CNTNAP5: variants seen among roughly 807,000 people sequenced by gnomAD.
CNTNAP5 encodes contactin-associated protein-like 5.
Under a neutral mutation model 150.2 loss-of-function variants are expected in CNTNAP5, and 72 were observed. The ratio of observed to expected loss-of-function variants is 0.48; its 90% CI spans 0.40 to 0.58. CNTNAP5 has a LOEUF of 0.58. Among genes scored for constraint, CNTNAP5 ranks in the 20% least tolerant of loss-of-function variants. The pLI is 0.00. For synonymous variants in CNTNAP5, 672 were observed against 619.8 expected (o/e 1.08, Z -1.25); for missense variants, 1,636 against 1,626.2 (o/e 1.01, Z -0.10).
chr2:124,265,147 C>T (rs1293976552), intron 3 of CNTNAP5, among the ~76,000 whole-genome samples: 8 of 152,144 alleles, frequency 5.3e-5, no homozygotes, highest in Non-Finnish European at 1.2e-4. Context: ...AAAATAATGT[C>T]CAGCCTCTCT....
chr2:124,644,343 C>A (rs181391916), intron 12 of CNTNAP5, among the ~76,000 whole-genome samples: 2 of 152,254 alleles, frequency 1.3e-5, no homozygotes, highest in South Asian at 2.1e-4. Context: ...GCTAAATCTA[C>A]ACAACCACCA....
At chr2:124,519,535 G>T in intron 8 of CNTNAP5, among the ~76,000 whole-genome samples, 1 of 152,190 alleles carries the variant, frequency 6.6e-6, no homozygotes, top group Admixed American at 6.5e-5. Flanking sequence ...CCCTTTGAAC[G>T]CTGGCTCTGC....
At chr2:124,063,832 G>A (rs1682079096) in intron 1 of CNTNAP5, among the ~76,000 whole-genome samples, 1 of 152,136 alleles carries the variant, frequency 6.6e-6, no homozygotes, top group Admixed American at 6.6e-5. Context: ...TTCCACATTA[G>A]ATGATTACTT....
chr2:124,914,633 G>T lies in CNTNAP5; in HGVS notation c.*345G>T. ...CACTGTTCAGTTTTCCAACCACTTG[G>T]TGGTTCAGGCTTGCTTTGAACCTGA... On this transcript the variant is annotated 3_prime_UTR_variant, in exon 24 of 24. Coordinates refer to ENST00000682447, the MANE Select transcript of CNTNAP5 (RefSeq NM_001367498.1). 5.6e-6 allele frequency: 1 copy of T among 178,856 alleles called. No individual in the cohort carries two copies. The highest frequency in any genetic ancestry group is 1.2e-5 in the Non-Finnish European group (1 of 84,934). The allele number at this position is 178,856 out of a possible 1,614,324, so 11.1% of individuals were successfully genotyped here. A position where few individuals can be genotyped will look rare whatever the true frequency, so the allele number is the denominator to read the frequency against.
chr2:124,388,053 G>A (rs1690976711), intron 3 of CNTNAP5, among the ~76,000 whole-genome samples: 1 of 152,186 alleles, frequency 6.6e-6, no homozygotes, highest in African/African-American at 2.4e-5. Context: ...GTGGCCTTAG[G>A]AAGAGATTAC....
At chr2:124,673,817 A>T (rs546891687) in intron 13 of CNTNAP5, among the ~76,000 whole-genome samples, 1 of 152,088 alleles carries the variant, frequency 6.6e-6, no homozygotes, top group African/African-American at 2.4e-5. Flanking sequence ...AATGCCCTCA[A>T]ATATTTTCAC....
At chr2:124,485,489 T>C (rs926748108) in intron 7 of CNTNAP5, among the ~76,000 whole-genome samples, 1 of 151,570 alleles carries the variant, frequency 6.6e-6, no homozygotes, top group Non-Finnish European at 1.5e-5. Context: ...GGCGGGCACC[T>C]GTAGTCCCAG....
intron 12 of CNTNAP5, among the ~76,000 whole-genome samples, chr2:124,635,634 A>T (rs1677955860): frequency 6.6e-6 from 1 of 152,200 alleles, no homozygotes; most frequent in Non-Finnish European, 1.5e-5. Context: ...AATGGGTGTC[A>T]AAGGTGTCTC....
intron 19 of CNTNAP5, among the ~76,000 whole-genome samples, chr2:124,842,688 C>A (rs1682968751): frequency 6.6e-6 from 1 of 152,126 alleles, no homozygotes; most frequent in Non-Finnish European, 1.5e-5. Flanking sequence ...TAGAATAGAG[C>A]TGAATCAAGT....
intron 1 of CNTNAP5, among the ~76,000 whole-genome samples, chr2:124,164,200 C>T (rs925538168): frequency 2.0e-5 from 3 of 152,136 alleles, no homozygotes; most frequent in Admixed American, 6.6e-5. Flanking sequence ...GCCATGAACA[C>T]GCAATACTCC....
intron 6 of CNTNAP5, among the ~76,000 whole-genome samples, chr2:124,449,582 A>T (rs1299851271): frequency 6.6e-6 from 1 of 152,182 alleles, no homozygotes; most frequent in Non-Finnish European, 1.5e-5. Context: ...TTACAGTGAA[A>T]GTCAGCATTT....
At chr2:124,910,333 A>T (rs1307412382) in intron 22 of CNTNAP5, among the ~76,000 whole-genome samples, 3 of 152,078 alleles carry the variant, frequency 2.0e-5, no homozygotes, top group Admixed American at 1.3e-4. Context: ...AGTAAGCAAA[A>T]TTATAAGAAG....
At chr2:124,149,168 A>G (rs1684338886) in intron 1 of CNTNAP5, among the ~76,000 whole-genome samples, 1 of 152,076 alleles carries the variant, frequency 6.6e-6, no homozygotes. Context: ...CCAACCATCC[A>G]GATCTGCTCC....
intron 4 of CNTNAP5, among the ~76,000 whole-genome samples, chr2:124,418,566 A>G (rs1691990534): frequency 6.6e-6 from 1 of 152,198 alleles, no homozygotes; most frequent in Non-Finnish European, 1.5e-5. Context: ...ATGGATATAG[A>G]GTGTCTGCTA....
At chr2:124,731,946 A>G (rs1051227800) in intron 13 of CNTNAP5, among the ~76,000 whole-genome samples, 6 of 152,024 alleles carry the variant, frequency 3.9e-5, no homozygotes, top group African/African-American at 1.4e-4. Context: ...TTATATAAAC[A>G]CAGCATACCC....
At chr2:124,774,318 T>C (rs1681274536) in intron 17 of CNTNAP5, among the ~76,000 whole-genome samples, 1 of 152,118 alleles carries the variant, frequency 6.6e-6, no homozygotes, top group Admixed American at 6.6e-5. Flanking sequence ...AAATTTAGGT[T>C]TGTGCAACTT....
intron 7 of CNTNAP5, among the ~76,000 whole-genome samples, chr2:124,496,384 C>G (rs1049056381): frequency 1.3e-5 from 2 of 152,042 alleles, no homozygotes; most frequent in African/African-American, 4.8e-5. Flanking sequence ...AATCTTTCCC[C>G]GCAAATTAGA....
At chr2:124,053,855 C>T (rs962152917) in intron 1 of CNTNAP5, among the ~76,000 whole-genome samples, 2 of 152,126 alleles carry the variant, frequency 1.3e-5, no homozygotes, top group Admixed American at 1.3e-4. Context: ...AAAACCAGCC[C>T]TAGAAATTAT....
chr2:124,811,712 G>GGT (rs1553445053), intron 19 of CNTNAP5, among the ~76,000 whole-genome samples: 1 of 150,088 alleles, frequency 6.7e-6, no homozygotes, highest in African/African-American at 2.5e-5. Flanking sequence ...GAGGCGGGGG[G>GGT]GGTGGATCAC....
Sources: allele counts gnomAD v4.1 joint callset (sites outside exome capture counted in the v4.1 genomes callset), GRCh38; gene constraint gnomAD v4.1.1; transcripts MANE v1.5; gene names NCBI Gene and HGNC (gene_info 2026-07-23, HGNC 2026-07-21).